Variants in HNRNPLL observed in about 807,000 individuals in gnomAD.
HNRNPLL encodes the protein heterogeneous nuclear ribonucleoprotein L-like.
In HNRNPLL, 25 loss-of-function variants were observed where a neutral mutation model predicts 67.1. The ratio of observed to expected loss-of-function variants is 0.37; its 90% confidence interval spans 0.27 to 0.52. HNRNPLL has a LOEUF of 0.52. Among genes scored for constraint, HNRNPLL ranks in the 20% least tolerant of loss-of-function variants. HNRNPLL has a pLI of 0.90. For missense variants in HNRNPLL, 542 were observed against 673.9 expected (o/e 0.80, Z 2.17); for synonymous variants, 267 against 241.7 (o/e 1.10, Z -0.97).
At chr2:38,583,995 T>C (rs945169446) in intron 3 of HNRNPLL, 69 bp from the exon 4 acceptor site, 4 of 608,738 alleles carry the variant, frequency 6.6e-6, no homozygotes, top group Non-Finnish European at 1.1e-5. Flanking sequence ...ATACTTCGTT[T>C]TGTTTTACCT....
At chr2:38,598,630 G>C (rs919797948) in intron 1 of HNRNPLL, among the ~76,000 whole-genome samples, 1 of 152,198 alleles carries the variant, frequency 6.6e-6, no homozygotes, top group Non-Finnish European at 1.5e-5. Context: ...TATGGTAGAA[G>C]CTCAATTATT....
At chr2:38,572,930 A>G (rs1264730005) in intron 8 of HNRNPLL, among the ~76,000 whole-genome samples, 1 of 152,032 alleles carries the variant, frequency 6.6e-6, no homozygotes, top group East Asian at 1.9e-4. Flanking sequence ...CAAAATATAG[A>G]CTTCAGGCCT....
At chr2:38,584,967 A>C (rs1455791012) in intron 3 of HNRNPLL, among the ~76,000 whole-genome samples, 1 of 152,038 alleles carries the variant, frequency 6.6e-6, no homozygotes, top group Non-Finnish European at 1.5e-5. Context: ...GTCTAATTAA[A>C]TCTAAAGAAT....
intron 1 of HNRNPLL, chr2:38,601,890 T>G (rs1449443830): frequency 6.6e-6 from 1 of 152,496 alleles, no homozygotes; most frequent in Non-Finnish European, 1.5e-5. Flanking sequence ...GAGTTTAATT[T>G]TAAAATTTTT....
At chr2:38,573,867 A>G (rs1666195064) in intron 7 of HNRNPLL, among the ~76,000 whole-genome samples, 1 of 151,874 alleles carries the variant, frequency 6.6e-6, no homozygotes, top group Non-Finnish European at 1.5e-5. Context: ...TAACAAAAAG[A>G]ACCTCTTCAG....
intron 9 of HNRNPLL, 69 bp downstream of exon 9, chr2:38,569,735 T>C: frequency 1.3e-6 from 1 of 782,644 alleles, no homozygotes; most frequent in South Asian, 2.4e-5. Context: ...TTGACATTAA[T>C]GTCTCTAATA....
At chr2:38,589,522 AC>A (rs1666878785) in intron 2 of HNRNPLL, among the ~76,000 whole-genome samples, 1 of 152,204 alleles carries the variant, frequency 6.6e-6, no homozygotes, top group South Asian at 2.1e-4. Flanking sequence ...TCTTAATTAC[AC>A]ACTAATTTGT....
chr2:38,592,082 CA>C (rs1666981764), intron 1 of HNRNPLL, among the ~76,000 whole-genome samples: 1 of 152,098 alleles, frequency 6.6e-6, no homozygotes, highest in Non-Finnish European at 1.5e-5. Context: ...AATCGCAATT[CA>C]CAAGTTAGCA....
rs1573732474 is a variant in HNRNPLL at position 38,577,519 on chromosome 2, A to G, written c.816T>C (p.Gly272=). 6.2e-7 allele frequency: 1 copy of G among 1,607,998 alleles called. No individual in the cohort carries two copies. The highest frequency in any genetic ancestry group is 1.1e-5 in the South Asian group (1 of 90,952). ...CTCCCAAAATGGCTTGTCTCTGGCG[A>G]CCCTTTCCTCTATCTGACACAAAAG... ...PYLGRRDRGK[G]RQRQAILGEH... is the part of the protein sequence containing the mutation. The change falls in exon 7 of 13, where the codon GGT becomes GGC. Residue 272 remains glycine (G), a synonymous_variant. Coordinates refer to ENST00000449105, the MANE Select transcript of HNRNPLL (RefSeq NM_138394.4).
chr2:38,597,260 C>T (rs1220886157), intron 1 of HNRNPLL, among the ~76,000 whole-genome samples: 1 of 152,188 alleles, frequency 6.6e-6, no homozygotes, highest in East Asian at 1.9e-4. Flanking sequence ...TTAAGTCACA[C>T]CTAAGTTTAC....
At chr2:38,599,091 C>T (rs981924896) in intron 1 of HNRNPLL, among the ~76,000 whole-genome samples, 3 of 152,194 alleles carry the variant, frequency 2.0e-5, no homozygotes, top group Non-Finnish European at 4.4e-5. Context: ...TTACATTGTG[C>T]AAGTATAACA....
At chr2:38,577,595 G>C (rs1666349763) in intron 6 of HNRNPLL, 63 bp from the exon 7 acceptor site, 1 of 941,440 alleles carries the variant, frequency 1.1e-6, no homozygotes, top group Non-Finnish European at 1.8e-6. Context: ...GGAGTTCTCA[G>C]ATGGGAAACA....
chr2:38,577,768 C>G (rs1666356346), intron 6 of HNRNPLL, among the ~76,000 whole-genome samples: 1 of 151,994 alleles, frequency 6.6e-6, no homozygotes. Flanking sequence ...TGGCAAATGC[C>G]AAATACAATC....
At chr2:38,564,385 C>A in intron 12 of HNRNPLL, 148 bp from the exon 13 acceptor site, 1 of 542,522 alleles carries the variant, frequency 1.8e-6, no homozygotes. Context: ...TAAAATTGGC[C>A]AGATGCGGTG....
In HNRNPLL at chr2:38,569,122, T is replaced by G. The variant is rs758090864; in HGVS notation, c.1416+11A>C. ...GCAACATTCTATACACATTTGTATT[T>G]CAGTGCCTACCTTTGTGAAGGTCTC... On this transcript the variant is annotated intron_variant, in intron 10 of 12. Coordinates refer to ENST00000449105, the MANE Select transcript of HNRNPLL (RefSeq NM_138394.4). 12 of 1,559,144 alleles carry G rather than the reference T, an allele frequency of 7.7e-6. No homozygotes were observed. Among genetic ancestry groups the G allele is most frequent in the Admixed American group, 1.7e-5 (1 of 59,908 alleles).
intron 1 of HNRNPLL, among the ~76,000 whole-genome samples, chr2:38,598,014 CTT>C (rs530992607): frequency 3.4e-5 from 5 of 145,334 alleles, no homozygotes; most frequent in Admixed American, 6.9e-5. Context: ...AAAAAACAAA[CTT>C]TTTTTTTTTT....
chr2:38,577,379 A>T, intron 7 of HNRNPLL, 82 bp downstream of exon 7: 1 of 887,454 alleles, frequency 1.1e-6, no homozygotes, highest in Non-Finnish European at 1.9e-6. Context: ...AAAAATAGAC[A>T]AGAAATGTGC....
In HNRNPLL at chr2:38,591,658, G is replaced by A. The variant is rs1257409319; in HGVS notation, c.190-10C>T. 1 of 1,581,612 alleles carries A rather than the reference G, an allele frequency of 6.3e-7. No individual in the cohort carries two copies. The highest frequency in any genetic ancestry group is 1.7e-5 in the Admixed American group (1 of 59,812). On this transcript the variant is annotated splice_polypyrimidine_tract_variant and intron_variant, in intron 1 of 12. Transcript: ENST00000449105. ...GACTTCCACCTGCCTCCTAGCAAGA[G>A]AAAATAATTTCTAGTTAAAAAAATT... is the stretch of plus-strand genomic sequence containing the variant.
At chr2:38,588,385 T>C (rs546028144) in intron 2 of HNRNPLL, among the ~76,000 whole-genome samples, 18 of 151,060 alleles carry the variant, frequency 1.2e-4, no homozygotes, top group African/African-American at 3.9e-4. Context: ...CTGTCTCTAC[T>C]AAAAATATAA....
Sources: allele counts gnomAD v4.1 joint callset (sites outside exome capture counted in the v4.1 genomes callset), GRCh38; gene constraint gnomAD v4.1.1; transcripts MANE v1.5; gene names NCBI Gene and HGNC (gene_info 2026-07-23, HGNC 2026-07-21).